SH3YL1: variants seen among roughly 807,000 people sequenced by gnomAD.
SH3YL1 encodes SH3 and SYLF domain containing 1, also known as SH3 domain-containing YSC84-like protein 1.
SH3YL1 carries 41 observed loss-of-function variants against 45.8 expected under a neutral mutation model. The observed-to-expected ratio is 0.89, with a 90% CI of 0.70 to 1.16. The LOEUF (loss-of-function observed/expected upper bound fraction) is 1.16. Ranked by LOEUF, SH3YL1 falls within the 50% of genes most tolerant of loss-of-function variation. The pLI is 0.00. For synonymous variants in SH3YL1, 152 were observed against 151.4 expected (o/e 1.00, Z -0.03); for missense variants, 389 against 409.6 (o/e 0.95, Z 0.43).
chr2:239,579 T>C (rs1486004506), intron 4 of SH3YL1: 1 of 152,212 alleles, frequency 6.6e-6, no homozygotes, highest in East Asian at 1.9e-4. Context: ...AAAAATTTTT[T>C]ATTTTACAGA....
intron 1 of SH3YL1, chr2:263,609 G>A (rs528251617): frequency 1.3e-4 from 28 of 211,578 alleles, no homozygotes; most frequent in Non-Finnish European, 2.4e-4. Flanking sequence ...CCTGCCGCGG[G>A]TTCCACGCAC....
intron 2 of SH3YL1, among the ~76,000 whole-genome samples, chr2:252,139 GAC>G (rs1669095988): frequency 6.6e-6 from 1 of 152,150 alleles, no homozygotes. Flanking sequence ...TGCATTCCTG[GAC>G]ACACTGCACT....
intron 2 of SH3YL1, 109 bp from the exon 3 acceptor site, chr2:249,953 C>T (rs917434611): frequency 4.1e-6 from 3 of 736,958 alleles, no homozygotes; most frequent in Non-Finnish European, 6.9e-6. Flanking sequence ...TCTAGGAATT[C>T]GGGGCACACA....
At chr2:223,852 A>T (rs1227935108) in intron 9 of SH3YL1, among the ~76,000 whole-genome samples, 2 of 152,182 alleles carry the variant, frequency 1.3e-5, no homozygotes. Flanking sequence ...ACCCCCTCGG[A>T]GGAGAAACAT....
chr2:263,899 G>T (rs1354008366), intron 1 of SH3YL1, 85 bp downstream of exon 1: 3 of 1,212,926 alleles, frequency 2.5e-6, no homozygotes, highest in Admixed American at 2.0e-5. Flanking sequence ...AGGCATCGCC[G>T]GTTTTCCCGT....
At chr2:262,727 T>TACAA in intron 1 of SH3YL1, 3 of 1,279,184 alleles carry the variant, frequency 2.3e-6, no homozygotes, top group Non-Finnish European at 3.1e-6. Context: ...CCTATGTTTG[T>TACAA]GTTGACATGC....
chr2:245,981 A>AGGT (rs1398427919), intron 4 of SH3YL1, among the ~76,000 whole-genome samples: 1 of 152,198 alleles, frequency 6.6e-6, no homozygotes, highest in African/African-American at 2.4e-5. Context: ...GGATCACCTG[A>AGGT]GGTCAGGAGT....
At chr2:247,340 TAAGGAAAGAA>T (rs1163583998) in intron 4 of SH3YL1, among the ~76,000 whole-genome samples, 188 bp downstream of exon 4, 2 of 152,122 alleles carry the variant, frequency 1.3e-5, no homozygotes, top group Admixed American at 1.3e-4. Context: ...ATCCTACTAC[TAAGGAAAGAA>T]AAGGAAAGTA....
chr2:236,974 AT>A (rs1333004658), intron 4 of SH3YL1, among the ~76,000 whole-genome samples: 1 of 152,168 alleles, frequency 6.6e-6, no homozygotes, highest in Non-Finnish European at 1.5e-5. Flanking sequence ...CCAACTGTTC[AT>A]TTTATTTTAC....
At chr2:226,304 A>C (rs892835426) in intron 8 of SH3YL1, among the ~76,000 whole-genome samples, 9 of 152,242 alleles carry the variant, frequency 5.9e-5, no homozygotes, top group African/African-American at 2.2e-4. Context: ...CAAATGACCA[A>C]CAAAACCTAT....
intron 4 of SH3YL1, among the ~76,000 whole-genome samples, chr2:245,719 G>A (rs1668767435): frequency 6.6e-6 from 1 of 152,068 alleles, no homozygotes; most frequent in Non-Finnish European, 1.5e-5. Context: ...GGTTTGAGAG[G>A]AGAAGATTGA....
chr2:263,828 G>A, intron 1 of SH3YL1, 156 bp downstream of exon 1: 3 of 593,292 alleles, frequency 5.1e-6, no homozygotes, highest in South Asian at 4.0e-5. Flanking sequence ...AGTCCTGGAA[G>A]CTGCTCTATC....
At chr2:223,223 T>G (rs1667650416) in intron 9 of SH3YL1, among the ~76,000 whole-genome samples, 1 of 152,186 alleles carries the variant, frequency 6.6e-6, no homozygotes, top group South Asian at 2.1e-4. Flanking sequence ...AATCTCTGTC[T>G]CCACAGCCCA....
At chr2:242,908 A>G (rs1668609394) in intron 4 of SH3YL1, 1 of 1,291,098 alleles carries the variant, frequency 7.7e-7, no homozygotes, top group East Asian at 2.8e-5. Context: ...ATTAGGATTA[A>G]ACAGGGACAT....
intron 4 of SH3YL1, among the ~76,000 whole-genome samples, chr2:244,325 T>C (rs1248570334): frequency 2.6e-5 from 4 of 151,912 alleles, no homozygotes; most frequent in African/African-American, 7.3e-5. Context: ...TGAAACCCCA[T>C]CTCTACTAAA....
Position 218,758 on chromosome 2 carries a change from T to C in SH3YL1, c.*53A>G, listed in dbSNP as rs796484271. On this transcript the variant is annotated 3_prime_UTR_variant, in exon 10 of 10. Coordinates refer to ENST00000356150, the MANE Select transcript of SH3YL1 (RefSeq NM_015677.4). The stretch of plus-strand genomic sequence containing the variant: ...AACATTGCTTAACTAGTAAATCCTG[T>C]CAGTGTAGAAATAATTTTTTTGTAA... 4.3e-6 allele frequency: 6 copies of C among 1,409,346 alleles called. No individual in the cohort carries two copies. The African/African-American group carries it at 4.3e-5, about 10-fold the overall frequency. 87.3% of individuals were successfully genotyped at this position (1,409,346 alleles called of 1,614,324 possible).
intron 4 of SH3YL1, among the ~76,000 whole-genome samples, chr2:234,882 T>C (rs1011108322): frequency 4.0e-5 from 6 of 151,602 alleles, no homozygotes; most frequent in Non-Finnish European, 8.8e-5. Flanking sequence ...TTAATTTTTC[T>C]TTTTTTTTCC....
chr2:260,356 T>A (rs1669538084), intron 1 of SH3YL1: 1 of 152,240 alleles, frequency 6.6e-6, no homozygotes, highest in South Asian at 2.1e-4. Context: ...CTTGTCTGCT[T>A]ACATTGATGC....
At chr2:229,275 T>C (rs1572146059) in intron 8 of SH3YL1, among the ~76,000 whole-genome samples, 2 of 152,110 alleles carry the variant, frequency 1.3e-5, no homozygotes, top group East Asian at 1.9e-4. Flanking sequence ...AAAGAACATA[T>C]GTCAAAACTG....
Sources: gnomAD v4.1 joint callset for allele counts (sites outside exome capture counted in the v4.1 genomes callset) on GRCh38, gnomAD v4.1.1 for gene constraint, MANE v1.5 for transcripts, NCBI Gene and HGNC (gene_info 2026-07-23, HGNC 2026-07-21) for gene names.